CADM2: variants seen among roughly 807,000 people sequenced by gnomAD.
CADM2 encodes immunoglobulin superfamily member 4D.
CADM2 carries 12 observed loss-of-function variants against 49.8 expected under a neutral mutation model. That is an observed-to-expected ratio of 0.24 (90% CI 0.15 to 0.39). The LOEUF is 0.39. CADM2 is among the 10% of genes least tolerant of loss of function. The pLI, the probability that CADM2 is intolerant of heterozygous loss-of-function variation, is 1.00. For missense variants in CADM2, 378 were observed against 492.3 expected, an observed-to-expected ratio of 0.77 and a Z score of 2.20; for synonymous variants, 214 against 175.4, an observed-to-expected ratio of 1.22 and a Z score of -1.74.
chr3:85,677,006 G>C (rs912927675), intron 1 of CADM2, among the ~76,000 whole-genome samples: 3 of 152,104 alleles, frequency 2.0e-5, no homozygotes, highest in Non-Finnish European at 4.4e-5. Context: ...TCTGCACAAT[G>C]AACAGACATT....
intron 1 of CADM2, among the ~76,000 whole-genome samples, chr3:85,586,857 A>G (rs867794399): frequency 2.6e-5 from 4 of 152,082 alleles, no homozygotes; most frequent in Non-Finnish European, 4.4e-5. Flanking sequence ...TAGTCCCCAC[A>G]TTCTAGTGAG....
chr3:85,488,520 TTTTTG>T (rs940406565), intron 1 of CADM2, among the ~76,000 whole-genome samples: 4 of 151,966 alleles, frequency 2.6e-5, no homozygotes, highest in Admixed American at 2.0e-4. Flanking sequence ...TATTTATTTA[TTTTTG>T]TTTTGTTTTG....
In CADM2 at chr3:85,961,373, A is replaced by G. The variant is rs896589216; in HGVS notation, c.792-96A>G. The G allele has an allele frequency of 2.7e-5, 29 of 1,080,758 alleles. No individual in the cohort carries two copies. The African/African-American group carries it at 4.2e-4, about 16-fold the overall frequency. 66.9% of individuals were successfully genotyped at this position (1,080,758 alleles called of 1,614,324 possible). ...AGAAGTTAGCATATGGTTGTGTACA[A>G]AATACATGTTAAATATTAAAAAATT... is the stretch of plus-strand genomic sequence containing the variant. On this transcript the variant is annotated intron_variant, in intron 7 of 9. Transcript: ENST00000383699.
At chr3:85,909,912 A>G (rs1717331651) in intron 5 of CADM2, among the ~76,000 whole-genome samples, 1 of 152,196 alleles carries the variant, frequency 6.6e-6, no homozygotes, top group African/African-American at 2.4e-5. Context: ...TCAGCCTAAA[A>G]TATGAGAAAA....
chr3:85,465,013 G>A (rs1038024874), intron 1 of CADM2, among the ~76,000 whole-genome samples: 9 of 152,156 alleles, frequency 5.9e-5, no homozygotes, highest in African/African-American at 9.7e-5. Context: ...GCCGGGCGTG[G>A]TGGCACACGC....
intron 3 of CADM2, among the ~76,000 whole-genome samples, 171 bp from the exon 4 acceptor site, chr3:85,883,120 C>A (rs962593571): frequency 6.6e-6 from 1 of 152,110 alleles, no homozygotes; most frequent in Admixed American, 6.5e-5. Context: ...TTTTAAAAAT[C>A]TGATAAAATA....
At chr3:85,408,410 T>A (rs539526296) in intron 1 of CADM2, among the ~76,000 whole-genome samples, 13 of 152,292 alleles carry the variant, frequency 8.5e-5, no homozygotes, top group Admixed American at 2.6e-4. Context: ...GGATGAAAAA[T>A]TAATTTTTTT....
At chr3:85,693,210 C>A (rs532518885) in intron 1 of CADM2, among the ~76,000 whole-genome samples, 1 of 151,528 alleles carries the variant, frequency 6.6e-6, no homozygotes, top group South Asian at 2.1e-4. Flanking sequence ...GATTGCGCCA[C>A]TGCACTCCAG....
At chr3:85,248,272 T>A (rs900854750) in intron 1 of CADM2, among the ~76,000 whole-genome samples, 2 of 152,156 alleles carry the variant, frequency 1.3e-5, no homozygotes, top group African/African-American at 4.8e-5. Context: ...TCTATTTATT[T>A]ATTTTTTTTT....
At chr3:85,977,539 C>T (rs1328670227) in intron 8 of CADM2, among the ~76,000 whole-genome samples, 2 of 151,530 alleles carry the variant, frequency 1.3e-5, no homozygotes, top group Non-Finnish European at 3.0e-5. Context: ...TAAAATTACA[C>T]ATTTTTTAAA....
intron 1 of CADM2, among the ~76,000 whole-genome samples, chr3:85,724,258 C>G (rs966611933): frequency 2.6e-5 from 4 of 151,802 alleles, no homozygotes; most frequent in Non-Finnish European, 5.9e-5. Context: ...TTTTAGTGAT[C>G]TCTTATTTTA....
chr3:85,240,468 A>G (rs1050054764), intron 1 of CADM2, among the ~76,000 whole-genome samples: 5 of 151,544 alleles, frequency 3.3e-5, no homozygotes, highest in Non-Finnish European at 7.4e-5. Context: ...ACCAACATCA[A>G]CAACATATTC....
intron 1 of CADM2, among the ~76,000 whole-genome samples, chr3:85,024,639 GA>G (rs2034646864): frequency 6.6e-6 from 1 of 150,490 alleles, no homozygotes; most frequent in African/African-American, 2.4e-5. Flanking sequence ...TTTACAGTCA[GA>G]GGGAAAGGCA....
intron 8 of CADM2, among the ~76,000 whole-genome samples, chr3:86,041,219 T>A (rs1735872728): frequency 6.6e-6 from 1 of 152,140 alleles, no homozygotes; most frequent in African/African-American, 2.4e-5. Context: ...AGGATCAAAT[T>A]CACACATAAC....
intron 1 of CADM2, among the ~76,000 whole-genome samples, chr3:85,457,574 G>C (rs1291942320): frequency 6.6e-6 from 1 of 151,972 alleles, no homozygotes; most frequent in African/African-American, 2.4e-5. Context: ...CACAAAAAGG[G>C]CATCTAGTGA....
intron 1 of CADM2, among the ~76,000 whole-genome samples, chr3:85,022,148 A>G (rs2034538637): frequency 6.6e-6 from 1 of 152,224 alleles, no homozygotes; most frequent in African/African-American, 2.4e-5. Flanking sequence ...ACATGAGAGC[A>G]TCTAGAACAG....
chr3:85,345,081 C>T (rs1205712773), intron 1 of CADM2, among the ~76,000 whole-genome samples: 2 of 151,684 alleles, frequency 1.3e-5, no homozygotes, highest in Non-Finnish European at 2.9e-5. Flanking sequence ...TTTGGGAGGC[C>T]GAGGTGAGTG....
chr3:85,561,475 G>T (rs908923677), intron 1 of CADM2, among the ~76,000 whole-genome samples: 1 of 152,090 alleles, frequency 6.6e-6, no homozygotes, highest in Non-Finnish European at 1.5e-5. Flanking sequence ...AAGTTTAAAA[G>T]AATTTATTAG....
At chr3:85,441,257 T>A (rs2037189787) in intron 1 of CADM2, among the ~76,000 whole-genome samples, 1 of 152,012 alleles carries the variant, frequency 6.6e-6, no homozygotes, top group Non-Finnish European at 1.5e-5. Context: ...AGAAACAATC[T>A]AATTCATAAT....
Sources: gnomAD v4.1 joint callset for allele counts (sites outside exome capture counted in the v4.1 genomes callset) on GRCh38, gnomAD v4.1.1 for gene constraint, MANE v1.5 for transcripts, NCBI Gene and HGNC (gene_info 2026-07-23, HGNC 2026-07-21) for gene names.